The following CNTN4 variants were observed in gnomAD, a reference collection of about 807,000 sequenced individuals.
CNTN4 encodes the protein contactin-4.
Under a neutral mutation model 122.5 loss-of-function variants are expected in CNTN4, and 77 were observed. The ratio of observed to expected loss-of-function variants is 0.63; its 90% CI spans 0.52 to 0.76. The LOEUF (loss-of-function observed/expected upper bound fraction) is 0.76. CNTN4 is among the 30% of genes least tolerant of loss of function. The pLI, the probability that CNTN4 is intolerant of heterozygous loss-of-function variation, is 0.00. For missense variants in CNTN4, 1,256 were observed against 1,259.1 expected (o/e 1.00, Z 0.04); for synonymous variants, 512 against 447.0 (o/e 1.15, Z -1.83).
At chr3:2,739,636 G>C (rs1216832459) in intron 5 of CNTN4, among the ~76,000 whole-genome samples, 1 of 152,104 alleles carries the variant, frequency 6.6e-6, no homozygotes, top group Non-Finnish European at 1.5e-5. Context: ...TCCTCTCTTA[G>C]GATTTTTCAG....
intron 4 of CNTN4, among the ~76,000 whole-genome samples, chr3:2,600,708 A>C (rs193158830): frequency 1.3e-5 from 2 of 152,326 alleles, no homozygotes; most frequent in African/African-American, 4.8e-5. Context: ...TCCTTTGGGT[A>C]TATACCCAGT....
intron 13 of CNTN4, among the ~76,000 whole-genome samples, chr3:2,938,126 G>A (rs2094581834): frequency 6.6e-6 from 1 of 152,204 alleles, no homozygotes; most frequent in Non-Finnish European, 1.5e-5. Flanking sequence ...TAGCCATTAA[G>A]TAGAAATGAG....
rs1299396083 is a variant in CNTN4, at chr3:2,575,279, A to G, written c.55+3721A>G. ...TGTAATCCCAGCACTTTGGGAGGCAAAGCGGGCGGACCACTTAAGGCCAGG... is the reference window on the plus strand; with the variant it reads ...TGTAATCCCAGCACTTTGGGAGGCAGAGCGGGCGGACCACTTAAGGCCAGG... On this transcript the variant is annotated intron_variant, in intron 4 of 24. Transcript: ENST00000418658. Among the ~76,000 whole-genome samples the G allele has an allele frequency of 9.9e-5, 15 of 152,204 alleles. No individual in the cohort carries two copies. The East Asian group carries it at 1.2e-3, about 12-fold the overall frequency.
intron 11 of CNTN4, among the ~76,000 whole-genome samples, chr3:2,901,035 T>C (rs1346776552): frequency 6.6e-6 from 1 of 152,240 alleles, no homozygotes; most frequent in Non-Finnish European, 1.5e-5. Context: ...GCACTAGATC[T>C]GTGGTCTTCA....
intron 8 of CNTN4, among the ~76,000 whole-genome samples, chr3:2,867,501 T>G (rs2093737159): frequency 1.3e-5 from 2 of 152,292 alleles, no homozygotes; most frequent in East Asian, 3.9e-4. Flanking sequence ...TAACAATGTG[T>G]AGTAAAAATC....
In CNTN4 at chr3:2,468,886, G is replaced by A. The variant is rs147637108; in HGVS notation, c.-88-102530G>A. On this transcript the variant is annotated intron_variant, in intron 3 of 24. Transcript: ENST00000418658. Reference sequence around the variant, plus strand: ...ATTCCTGACACTTTTATAAAGAAGGGAAAGTTTTCCCAGAAATCCTCTTCC... The same window carrying A: ...ATTCCTGACACTTTTATAAAGAAGGAAAAGTTTTCCCAGAAATCCTCTTCC... Among the ~76,000 whole-genome samples the A allele has an allele frequency of 5.1e-4, 77 of 152,240 alleles. No individual in the cohort carries two copies. The East Asian group carries it at 0.013, about 26-fold the overall frequency.
chr3:2,961,579 T>G (rs2094859799), intron 13 of CNTN4, among the ~76,000 whole-genome samples: 1 of 152,140 alleles, frequency 6.6e-6, no homozygotes, highest in African/African-American at 2.4e-5. Context: ...TCACTGCCTG[T>G]TATATCAAAT....
intron 11 of CNTN4, 64 bp downstream of exon 11, chr3:2,900,885 C>A: frequency 6.3e-7 from 1 of 1,578,072 alleles, no homozygotes; most frequent in South Asian, 1.1e-5. Context: ...GCCTCATTGC[C>A]GTGGAAACGG....
chr3:2,963,840 T>C (rs1256088318), intron 13 of CNTN4, among the ~76,000 whole-genome samples: 1 of 152,218 alleles, frequency 6.6e-6, no homozygotes, highest in East Asian at 1.9e-4. Context: ...ATTATTTGTC[T>C]TATTTATTGT....
At chr3:2,933,086 T>C (rs1393186616) in intron 13 of CNTN4, among the ~76,000 whole-genome samples, 2 of 152,070 alleles carry the variant, frequency 1.3e-5, no homozygotes, top group Non-Finnish European at 2.9e-5. Flanking sequence ...CCTCCCAAAG[T>C]GCTGGGATTA....
chr3:2,884,698 AC>A (rs1423773614), intron 9 of CNTN4, among the ~76,000 whole-genome samples: 2 of 152,210 alleles, frequency 1.3e-5, no homozygotes, highest in African/African-American at 4.8e-5. Flanking sequence ...GTCTAGATAT[AC>A]ATTTGATGAA....
chr3:2,755,193 C>A (rs1033292757), intron 6 of CNTN4, among the ~76,000 whole-genome samples: 1 of 152,080 alleles, frequency 6.6e-6, no homozygotes, highest in Admixed American at 6.6e-5. Context: ...AATGTGCAGT[C>A]GATCAGAACA....
At chr3:2,496,062 T>C (rs1182550477) in intron 3 of CNTN4, among the ~76,000 whole-genome samples, 1 of 152,196 alleles carries the variant, frequency 6.6e-6, no homozygotes, top group Admixed American at 6.6e-5. Flanking sequence ...AACCATTTTC[T>C]ACCTGGGAGA....
intron 4 of CNTN4, among the ~76,000 whole-genome samples, chr3:2,725,876 G>T (rs2088188797): frequency 1.3e-5 from 2 of 152,134 alleles, no homozygotes; most frequent in African/African-American, 4.8e-5. Flanking sequence ...ATGACATGAA[G>T]AAATAACTCA....
At chr3:2,864,979 T>C (rs2093708849) in intron 7 of CNTN4, among the ~76,000 whole-genome samples, 1 of 152,122 alleles carries the variant, frequency 6.6e-6, no homozygotes, top group African/African-American at 2.4e-5. Flanking sequence ...CTGTTGAGTA[T>C]GTAAGGACTG....
intron 7 of CNTN4, among the ~76,000 whole-genome samples, chr3:2,820,281 C>G (rs1340065909): frequency 6.6e-6 from 1 of 152,164 alleles, no homozygotes; most frequent in Non-Finnish European, 1.5e-5. Flanking sequence ...TCAGGGAAAA[C>G]AGTTTACTTA....
chr3:2,460,346 G>A (rs115741960), intron 3 of CNTN4, among the ~76,000 whole-genome samples: 1,980 of 152,014 alleles, frequency 0.013, 16 homozygotes, highest in South Asian at 0.039. Flanking sequence ...TGAGAATCTC[G>A]TGCCAGGTCA....
chr3:2,695,825 G>C (rs965579583), intron 4 of CNTN4, among the ~76,000 whole-genome samples: 1 of 152,118 alleles, frequency 6.6e-6, no homozygotes. Flanking sequence ...CACCAGAGTT[G>C]AGTCTGAAAT....
At chr3:2,596,352 A>G (rs75870711) in intron 4 of CNTN4, among the ~76,000 whole-genome samples, 5,788 of 152,234 alleles carry the variant, frequency 0.038, 388 homozygotes, top group African/African-American at 0.13. Context: ...TATTTATTTA[A>G]TTTAAACATA....
Sources: allele counts gnomAD v4.1 joint callset (sites outside exome capture counted in the v4.1 genomes callset), GRCh38; gene constraint gnomAD v4.1.1; transcripts MANE v1.5; gene names NCBI Gene and HGNC (gene_info 2026-07-23, HGNC 2026-07-21).